The following PCCA variants were observed in gnomAD, a reference collection of about 807,000 sequenced individuals.
PCCA encodes the protein propionyl-CoA carboxylase subunit alpha.
In PCCA, 74 loss-of-function variants were observed where a neutral mutation model predicts 101.3. The observed-to-expected ratio is 0.73, with a 90% CI of 0.61 to 0.89. PCCA has a LOEUF of 0.89. PCCA is among the 40% of genes least tolerant of loss of function. The pLI is 0.00. For missense variants in PCCA, 891 were observed against 907.0 expected (o/e 0.98, Z 0.23); for synonymous variants, 294 against 313.6 (o/e 0.94, Z 0.66).
chr13:100,102,959 AAGT>A lies in PCCA; in HGVS notation c.183+1_183+3del. Reference sequence around the variant, plus strand: ...TCAGTGGGATATGATCCTAATGAAAAAGTAAGTATTTAAAAGATATTCTCAACA... The same window carrying A: ...TCAGTGGGATATGATCCTAATGAAAAAAGTATTTAAAAGATATTCTCAACA... On this transcript the variant is annotated splice_donor_variant and coding_sequence_variant, in exon 2 of 24. Coordinates refer to ENST00000376285, the MANE Select transcript of PCCA (RefSeq NM_000282.4). LOFTEE classifies it high-confidence loss of function. 1 of 1,577,594 alleles carries A rather than the reference AAGT, an allele frequency of 6.3e-7. No individual in the cohort carries two copies. The highest frequency in any genetic ancestry group is 8.7e-7 in the Non-Finnish European group (1 of 1,146,888).
chr13:100,284,395 G>A (rs943744469), intron 12 of PCCA, among the ~76,000 whole-genome samples: 3 of 152,176 alleles, frequency 2.0e-5, no homozygotes. Flanking sequence ...ATTTGGAAGG[G>A]CAAAAAATGC....
intron 12 of PCCA, among the ~76,000 whole-genome samples, chr13:100,281,830 C>T (rs1264718219): frequency 1.3e-5 from 2 of 152,108 alleles, no homozygotes; most frequent in African/African-American, 2.4e-5. Context: ...GATAATTTTT[C>T]CAGTATTTTG....
chr13:100,467,117 G>T (rs2082582156), intron 21 of PCCA, among the ~76,000 whole-genome samples: 1 of 152,244 alleles, frequency 6.6e-6, no homozygotes, highest in South Asian at 2.1e-4. Flanking sequence ...TAAGGGATTT[G>T]CTCAGAGTGG....
intron 21 of PCCA, among the ~76,000 whole-genome samples, chr13:100,472,323 G>A (rs1170479118): frequency 6.6e-5 from 10 of 151,958 alleles, no homozygotes; most frequent in Admixed American, 5.2e-4. Flanking sequence ...CCTGTCTACC[G>A]GGGAGAGTTC....
intron 18 of PCCA, among the ~76,000 whole-genome samples, chr13:100,362,202 A>G (rs987913557): frequency 1.3e-5 from 2 of 152,098 alleles, no homozygotes; most frequent in African/African-American, 2.4e-5. Flanking sequence ...GTTGACTGTT[A>G]GTGGCAGGCA....
intron 6 of PCCA, among the ~76,000 whole-genome samples, chr13:100,193,620 G>A (rs927647138): frequency 2.0e-5 from 3 of 152,058 alleles, no homozygotes; most frequent in Non-Finnish European, 4.4e-5. Context: ...ACTTAGAATT[G>A]TTTCCTACAG....
chr13:100,354,339 G>A (rs1172896574), intron 18 of PCCA, among the ~76,000 whole-genome samples: 4 of 110,516 alleles, frequency 3.6e-5, no homozygotes, highest in African/African-American at 1.0e-4. Context: ...GAGAGGGGGC[G>A]GTGGGAGGAG....
intron 12 of PCCA, among the ~76,000 whole-genome samples, chr13:100,289,875 A>G (rs998631154): frequency 2.0e-5 from 3 of 151,894 alleles, no homozygotes; most frequent in Non-Finnish European, 2.9e-5. Flanking sequence ...ATTATTTGCT[A>G]TATCTTCAGC....
intron 12 of PCCA, among the ~76,000 whole-genome samples, chr13:100,280,959 C>G (rs1379002197): frequency 6.6e-6 from 1 of 151,964 alleles, no homozygotes; most frequent in Non-Finnish European, 1.5e-5. Context: ...CCAGCCTGGA[C>G]AGAGCGAGAC....
chr13:100,391,845 A>G (rs1199170291), intron 19 of PCCA, among the ~76,000 whole-genome samples: 1 of 152,100 alleles, frequency 6.6e-6, no homozygotes, highest in African/African-American at 2.4e-5. Flanking sequence ...TTAACATCAT[A>G]TTTTCAGTAA....
intron 9 of PCCA, among the ~76,000 whole-genome samples, chr13:100,260,748 T>C (rs2062438855): frequency 6.6e-6 from 1 of 152,098 alleles, no homozygotes; most frequent in Non-Finnish European, 1.5e-5. Flanking sequence ...TTAAATGATA[T>C]TATTTTAAAG....
intron 1 of PCCA, among the ~76,000 whole-genome samples, chr13:100,095,855 T>G (rs116541966): frequency 1.6e-3 from 242 of 152,170 alleles, no homozygotes; most frequent in African/African-American, 5.6e-3. Flanking sequence ...CACATTGAAT[T>G]TATGTTTGGA....
rs770743671 is a variant in PCCA at position 100,170,703 on chromosome 13, A to G, written c.468+13363A>G. Among the ~76,000 whole-genome samples the G allele has an allele frequency of 1.4e-4, 22 of 152,322 alleles. 1 individual carries two copies. The highest frequency in any genetic ancestry group is 7.7e-4 in the East Asian group (4 of 5,186). On this transcript the variant is annotated intron_variant, in intron 6 of 23. Transcript: ENST00000376285. ...AGTGCAGATAAAAATAATGTGTTGT[A>G]TTTCTTAACCACAATATTTGATTTA... is the stretch of plus-strand genomic sequence containing the variant.
chr13:100,150,022 G>A (rs1418478313), intron 4 of PCCA, among the ~76,000 whole-genome samples: 2 of 151,880 alleles, frequency 1.3e-5, no homozygotes, highest in Non-Finnish European at 2.9e-5. Flanking sequence ...TTAAATGCAG[G>A]CATAATTCCC....
chr13:100,094,236 A>C (rs2046559954), intron 1 of PCCA, among the ~76,000 whole-genome samples: 1 of 151,620 alleles, frequency 6.6e-6, no homozygotes, highest in African/African-American at 2.4e-5. Flanking sequence ...CTCAAAAAAA[A>C]AAAAAAAAAA....
intron 22 of PCCA, chr13:100,527,379 T>C: frequency 1.9e-6 from 1 of 526,784 alleles, no homozygotes; most frequent in Non-Finnish European, 3.7e-6. Context: ...CGAACACCTC[T>C]GTTAGTGGCA....
At position 100,193,087 on chromosome 13, in the gene PCCA, T is replaced by C. The variant is rs188927809; in HGVS notation, c.469-16245T>C. 2.2e-4 allele frequency among the ~76,000 whole-genome samples: 34 copies of C among 152,246 alleles called. 1 individual carries two copies. The highest frequency in any genetic ancestry group is 6.2e-4 in the South Asian group (3 of 4,816). ...TGTGCGAGGCAAACCTGATGGCTGG[T>C]TACTCTCCAGTAATCTTTAGCTTAT... On this transcript the variant is annotated intron_variant, in intron 6 of 23. Transcript: ENST00000376285.
At chr13:100,529,948 G>A (rs1294998570) in intron 23 of PCCA, 150 bp from the exon 24 acceptor site, 4 of 685,622 alleles carry the variant, frequency 5.8e-6, no homozygotes, top group Non-Finnish European at 1.0e-5. Flanking sequence ...GGGTCCCTTC[G>A]ATGGGCTCCG....
intron 21 of PCCA, among the ~76,000 whole-genome samples, chr13:100,481,580 C>T (rs2083936020): frequency 6.6e-6 from 1 of 152,010 alleles, no homozygotes; most frequent in South Asian, 2.1e-4. Context: ...GGAACCTAAG[C>T]ACTGAGACCC....
Sources: allele counts gnomAD v4.1 joint callset (sites outside exome capture counted in the v4.1 genomes callset), GRCh38; gene constraint gnomAD v4.1.1; transcripts MANE v1.5; gene names NCBI Gene and HGNC (gene_info 2026-07-23, HGNC 2026-07-21).